Variants in PRUNE2 observed in about 807,000 individuals in gnomAD.
PRUNE2 encodes protein prune homolog 2.
Under a neutral mutation model 252.0 loss-of-function variants are expected in PRUNE2, and 164 were observed. The observed-to-expected ratio is 0.65, with a 90% CI of 0.57 to 0.74. The LOEUF is 0.74. Ranked by LOEUF, PRUNE2 falls within the 30% of genes least tolerant of loss-of-function variation. PRUNE2 has a pLI of 0.00. For missense variants in PRUNE2, 3,495 were observed against 3,711.0 expected (o/e 0.94, Z 1.51); for synonymous variants, 1,292 against 1,350.2 (o/e 0.96, Z 0.94).
At chr9:76,876,315 T>C (rs1179938464) in intron 1 of PRUNE2, among the ~76,000 whole-genome samples, 1 of 152,196 alleles carries the variant, frequency 6.6e-6, no homozygotes, top group African/African-American at 2.4e-5. Flanking sequence ...GAACACTTCC[T>C]GTTTTTCTGC....
At chr9:76,823,413 A>G (rs913569942) in intron 6 of PRUNE2, 1 of 512,736 alleles carries the variant, frequency 2.0e-6, no homozygotes, top group African/African-American at 1.9e-5. Flanking sequence ...GAGATGAATG[A>G]AAGAGCATTC....
intron 5 of PRUNE2, among the ~76,000 whole-genome samples, chr9:76,823,954 G>C (rs2058194888): frequency 6.6e-6 from 1 of 152,128 alleles, no homozygotes; most frequent in African/African-American, 2.4e-5. Context: ...TGCAAAAGAA[G>C]ATGTGTTAAT....
intron 12 of PRUNE2, among the ~76,000 whole-genome samples, chr9:76,642,576 T>C (rs954177973): frequency 6.6e-6 from 1 of 152,208 alleles, no homozygotes; most frequent in East Asian, 1.9e-4. Context: ...GAAAACTTCC[T>C]CAGAGCAAAA....
intron 9 of PRUNE2, among the ~76,000 whole-genome samples, chr9:76,672,905 T>C (rs2133977492): frequency 1.4e-5 from 2 of 143,340 alleles, no homozygotes; most frequent in South Asian, 4.9e-4. Context: ...TTCAAAGCAG[T>C]GTGTAGAGGG....
chr9:76,641,819 T>A, intron 12 of PRUNE2: 1 of 884,346 alleles, frequency 1.1e-6, no homozygotes, highest in Non-Finnish European at 1.7e-6. Flanking sequence ...ATGAAAGGGA[T>A]GTAACACAAG....
chr9:76,806,474 C>A (rs557028327), intron 6 of PRUNE2, among the ~76,000 whole-genome samples: 1 of 150,130 alleles, frequency 6.7e-6, no homozygotes, highest in East Asian at 1.9e-4. Flanking sequence ...TAATTTAACA[C>A]TTATGAGGGG....
At position 76,708,239 on chromosome 9, in the gene PRUNE2, G is replaced by A. The variant is rs758815114; in HGVS notation, c.4035C>T (p.Ile1345=). 2.9e-5 allele frequency: 47 copies of A among 1,613,712 alleles called. No individual in the cohort carries two copies. The highest frequency in any genetic ancestry group is 3.8e-5 in the Non-Finnish European group (45 of 1,179,848). The change falls in exon 8 of 19, where the codon ATC becomes ATT. Residue 1345 remains isoleucine, a synonymous_variant. Transcript: ENST00000376718. ...DRGHLDEEEV[I]ASGVENASGI... ...CTGAGGCATTCTCCACACCAGAGGC[G>A]ATCACCTCCTCTTCATCAAGGTGCC...
intron 1 of PRUNE2, among the ~76,000 whole-genome samples, chr9:76,865,822 C>G (rs1180742110): frequency 2.0e-5 from 3 of 151,028 alleles, no homozygotes; most frequent in Non-Finnish European, 3.0e-5. Flanking sequence ...CACACACACA[C>G]ACACACACAC....
intron 6 of PRUNE2, among the ~76,000 whole-genome samples, chr9:76,742,173 T>TAAAGTC (rs1177373675): frequency 2.0e-5 from 3 of 152,198 alleles, no homozygotes; most frequent in African/African-American, 7.2e-5. Context: ...GAGACATACT[T>TAAAGTC]GACTTTAAGA....
chr9:76,688,583 G>T (rs982348518), intron 9 of PRUNE2, among the ~76,000 whole-genome samples: 1 of 152,104 alleles, frequency 6.6e-6, no homozygotes, highest in Non-Finnish European at 1.5e-5. Context: ...CGTGTCTGCA[G>T]TTCTAAAACT....
At chr9:76,668,743 C>T (rs922629964) in intron 9 of PRUNE2, among the ~76,000 whole-genome samples, 3 of 151,944 alleles carry the variant, frequency 2.0e-5, no homozygotes, top group African/African-American at 7.3e-5. Flanking sequence ...CATTCCACAT[C>T]TTCCTTTTGT....
chr9:76,770,636 T>G (rs908528968), intron 6 of PRUNE2, among the ~76,000 whole-genome samples: 1 of 152,150 alleles, frequency 6.6e-6, no homozygotes, highest in African/African-American at 2.4e-5. Context: ...CCTGCAAAAC[T>G]GTTGAAAGCA....
At chr9:76,905,637 G>C (rs915013169) in intron 1 of PRUNE2, among the ~76,000 whole-genome samples, 3 of 152,094 alleles carry the variant, frequency 2.0e-5, no homozygotes, top group Non-Finnish European at 4.4e-5. Flanking sequence ...TAGCTTTCAG[G>C]AGCAAACTGC....
chr9:76,635,054 C>T (rs921330090), intron 15 of PRUNE2, among the ~76,000 whole-genome samples: 1 of 152,134 alleles, frequency 6.6e-6, no homozygotes, highest in South Asian at 2.1e-4. Flanking sequence ...CTCACTGCAA[C>T]CTCCTCCCAG....
intron 6 of PRUNE2, among the ~76,000 whole-genome samples, chr9:76,750,493 T>C (rs1309691290): frequency 1.3e-5 from 2 of 152,158 alleles, no homozygotes; most frequent in Non-Finnish European, 2.9e-5. Flanking sequence ...AGGAGAAAAT[T>C]AGTTTTCCTA....
chr9:76,863,024 T>C (rs1035082046), intron 1 of PRUNE2: 4 of 152,240 alleles, frequency 2.6e-5, no homozygotes, highest in African/African-American at 7.2e-5. Context: ...GATGATAACA[T>C]TTAACAGATA....
chr9:76,642,044 G>T (rs1588042857), intron 12 of PRUNE2: 2 of 1,143,660 alleles, frequency 1.7e-6, no homozygotes, highest in Non-Finnish European at 2.4e-6. Flanking sequence ...GAAACTCCTT[G>T]TTAAAATTAC....
chr9:76,893,482 G>C (rs2062617020), intron 1 of PRUNE2, among the ~76,000 whole-genome samples: 1 of 152,230 alleles, frequency 6.6e-6, no homozygotes, highest in Admixed American at 6.5e-5. Flanking sequence ...ATGGTGATCA[G>C]GGTGGCTGAA....
chr9:76,732,449 T>G (rs183578985), intron 6 of PRUNE2, among the ~76,000 whole-genome samples: 2 of 152,236 alleles, frequency 1.3e-5, no homozygotes, highest in Non-Finnish European at 2.9e-5. Context: ...ACATTTGGCT[T>G]GGTTTTTGAC....
Sources: gnomAD v4.1 joint callset for allele counts (sites outside exome capture counted in the v4.1 genomes callset) on GRCh38, gnomAD v4.1.1 for gene constraint, MANE v1.5 for transcripts, NCBI Gene and HGNC (gene_info 2026-07-23, HGNC 2026-07-21) for gene names.